Variants in ENTREP1 observed in about 807,000 individuals in gnomAD.
The protein encoded by ENTREP1 is endosomal transmembrane epsin interactor 1.
At chr9:69,378,119 A>G in the ENTREP1 span, among the ~76,000 whole-genome samples, 1 of 152,158 alleles carries the variant, frequency 6.6e-6, no homozygotes, top group Non-Finnish European at 1.5e-5. Flanking sequence ...TTCAATTTCA[A>G]TTAGCTTTCT....
At chr9:69,354,227 T>G in the ENTREP1 span, among the ~76,000 whole-genome samples, 1 of 151,620 alleles carries the variant, frequency 6.6e-6, no homozygotes, top group African/African-American at 2.4e-5. Context: ...AGTAAGTCCC[T>G]CTTTCTCTTG....
chr9:69,324,621 C>A, the ENTREP1 span: 12 of 985,424 alleles, frequency 1.2e-5, no homozygotes, highest in East Asian at 1.4e-3. Flanking sequence ...CACTCCCGCG[C>A]CGATGCGAGG....
chr9:69,391,961 G>T, the ENTREP1 span: 1 of 705,322 alleles, frequency 1.4e-6, no homozygotes, highest in South Asian at 1.8e-5. Context: ...AGGGCATTCA[G>T]GAGTAAATGC....
the ENTREP1 span, among the ~76,000 whole-genome samples, chr9:69,385,363 G>T: frequency 6.6e-6 from 1 of 152,128 alleles, no homozygotes; most frequent in Non-Finnish European, 1.5e-5. Context: ...TAGCCTTCCG[G>T]GAGTTCTGCA....
the ENTREP1 span, among the ~76,000 whole-genome samples, chr9:69,358,053 G>A: frequency 1.7e-4 from 26 of 152,284 alleles, no homozygotes; most frequent in Middle Eastern, 3.4e-3. Flanking sequence ...GAGGACATAC[G>A]TGTTAAATGG....
chr9:69,355,876 T>C, the ENTREP1 span, among the ~76,000 whole-genome samples: 1 of 152,192 alleles, frequency 6.6e-6, no homozygotes, highest in Non-Finnish European at 1.5e-5. Flanking sequence ...GTTTCTGAGA[T>C]GGAGTGTTTC....
At chr9:69,335,652 C>T in the ENTREP1 span, among the ~76,000 whole-genome samples, 2 of 152,068 alleles carry the variant, frequency 1.3e-5, no homozygotes, top group African/African-American at 2.4e-5. Context: ...GGGTACCTGA[C>T]GAAGGGAAGG....
the ENTREP1 span, among the ~76,000 whole-genome samples, chr9:69,354,650 C>T: frequency 2.5e-4 from 38 of 152,316 alleles, no homozygotes; most frequent in East Asian, 7.1e-3. Flanking sequence ...TATCTGTCCC[C>T]TTTATTTCCA....
At chr9:69,336,456 T>C in the ENTREP1 span, among the ~76,000 whole-genome samples, 1 of 152,188 alleles carries the variant, frequency 6.6e-6, no homozygotes, top group African/African-American at 2.4e-5. Flanking sequence ...GGTTTTCTGG[T>C]TCACTTTAAG....
the ENTREP1 span, among the ~76,000 whole-genome samples, chr9:69,355,436 A>C: frequency 1.4e-4 from 22 of 152,334 alleles, no homozygotes; most frequent in East Asian, 3.9e-3. Context: ...TTAGCAGATT[A>C]TAGTGATCTG....
At chr9:69,326,542 C>T in the ENTREP1 span, among the ~76,000 whole-genome samples, 2 of 152,162 alleles carry the variant, frequency 1.3e-5, no homozygotes, top group Non-Finnish European at 2.9e-5. Context: ...AGAAAAGCTG[C>T]TGCCAGCCAG....
At chr9:69,327,634 G>GAAAAGGAAAGA in the ENTREP1 span, among the ~76,000 whole-genome samples, 5 of 150,546 alleles carry the variant, frequency 3.3e-5, no homozygotes, top group Admixed American at 6.6e-5. Flanking sequence ...GAAAAGAAAA[G>GAAAAGGAAAGA]AAAAAAAAAG....
the ENTREP1 span, among the ~76,000 whole-genome samples, chr9:69,337,005 CTTTTTTTTTTTTTTT>C: frequency 7.1e-5 from 4 of 55,986 alleles, no homozygotes; most frequent in South Asian, 1.2e-3. Context: ...GCTGTTATTC[CTTTTTTTTTTTTTTT>C]TTTTTTTTTT....
chr9:69,390,792 A>G, the ENTREP1 span, among the ~76,000 whole-genome samples: 4 of 152,012 alleles, frequency 2.6e-5, no homozygotes, highest in Non-Finnish European at 4.4e-5. Context: ...GGCACACACC[A>G]CCACGCCCAG....
the ENTREP1 span, among the ~76,000 whole-genome samples, chr9:69,338,319 C>A: frequency 7.9e-5 from 12 of 152,260 alleles, no homozygotes; most frequent in East Asian, 2.3e-3. Flanking sequence ...TAACAGGAAT[C>A]TCCTTTGCAC....
the ENTREP1 span, among the ~76,000 whole-genome samples, chr9:69,367,630 AAT>A: frequency 2.3e-5 from 3 of 128,720 alleles, no homozygotes; most frequent in Non-Finnish European, 5.0e-5. Flanking sequence ...CATATATATA[AAT>A]ATATATATAC....
At chr9:69,367,696 T>TATATATAAATATATATATATATACAC in the ENTREP1 span, among the ~76,000 whole-genome samples, 7 of 108,170 alleles carry the variant, frequency 6.5e-5, no homozygotes, top group East Asian at 2.6e-4. Context: ...TATATACACA[T>TATATATAAATATATATATATATACAC]ATATATAAAT....
the ENTREP1 span, chr9:69,377,223 C>T: frequency 1.5e-6 from 1 of 645,964 alleles, no homozygotes; most frequent in East Asian, 2.7e-5. Flanking sequence ...TTTCCACGAG[C>T]CAAACACCAT....
chr9:69,350,478 C>A, the ENTREP1 span, among the ~76,000 whole-genome samples: 1 of 152,198 alleles, frequency 6.6e-6, no homozygotes. Context: ...AGACCACTCA[C>A]TTCCTGTTCT....
Sources: gnomAD v4.1 joint callset for allele counts (sites outside exome capture counted in the v4.1 genomes callset) on GRCh38, gnomAD v4.1.1 for gene constraint, MANE v1.5 for transcripts, NCBI Gene and HGNC (gene_info 2026-07-23, HGNC 2026-07-21) for gene names.